Variants in KCNAB1 observed in about 807,000 individuals in gnomAD.
KCNAB1 encodes voltage-gated potassium channel subunit beta-1.
In KCNAB1, 35 loss-of-function variants were observed where a neutral mutation model predicts 64.6. The observed-to-expected ratio is 0.54, with a 90% CI of 0.41 to 0.72. The LOEUF is 0.72. Ranked by LOEUF, KCNAB1 falls within the 30% of genes least tolerant of loss-of-function variation. The pLI is 0.00. For missense variants in KCNAB1, 401 were observed against 512.9 expected (o/e 0.78, Z 2.11); for synonymous variants, 177 against 183.8 (o/e 0.96, Z 0.30).
At chr3:156,505,546 T>C (rs1716779359) in intron 8 of KCNAB1, among the ~76,000 whole-genome samples, 1 of 152,218 alleles carries the variant, frequency 6.6e-6, no homozygotes, top group Non-Finnish European at 1.5e-5. Context: ...TGAGATGTCT[T>C]CCTATTTTTT....
chr3:156,524,552 C>A (rs1421947866), intron 12 of KCNAB1, among the ~76,000 whole-genome samples: 1 of 151,964 alleles, frequency 6.6e-6, no homozygotes. Context: ...TCGAGACCAT[C>A]CTGGCTAACA....
chr3:156,438,336 G>A (rs973452776), intron 2 of KCNAB1, among the ~76,000 whole-genome samples: 6 of 151,370 alleles, frequency 4.0e-5, no homozygotes, highest in South Asian at 2.1e-4. Flanking sequence ...CAAGGGGCAG[G>A]TGAGGTATTT....
intron 1 of KCNAB1, among the ~76,000 whole-genome samples, chr3:156,296,465 C>G (rs953711235): frequency 4.0e-5 from 3 of 75,516 alleles, no homozygotes; most frequent in African/African-American, 9.7e-5. Flanking sequence ...TTCAACTCCC[C>G]CCCCCCCCAC....
chr3:156,307,922 T>C (rs1416082335), intron 1 of KCNAB1, among the ~76,000 whole-genome samples: 1 of 152,242 alleles, frequency 6.6e-6, no homozygotes, highest in Admixed American at 6.5e-5. Flanking sequence ...AAGCAGGCAC[T>C]GTGCCAGGCA....
chr3:156,282,868 G>T (rs1354725708), intron 1 of KCNAB1, among the ~76,000 whole-genome samples: 1 of 151,304 alleles, frequency 6.6e-6, no homozygotes, highest in African/African-American at 2.4e-5. Context: ...GTCTCTGCAC[G>T]TGAGATGGGT....
intron 1 of KCNAB1, among the ~76,000 whole-genome samples, chr3:156,158,171 AAAAATAAAAAATAAATAAAT>A (rs1302185387): frequency 4.7e-5 from 4 of 84,764 alleles, no homozygotes; most frequent in Admixed American, 1.5e-4. Context: ...TCTCAAAAAA[AAAAATAAAAAATAAATAAAT>A]AAATAAATAA....
In KCNAB1 at chr3:156,313,723, T is replaced by C. The variant is rs1722084601; in HGVS notation, c.276-107893T>C. ...AGTTAGGGATTCTGCTCTCCACAACTGGAAGAAAGTAAGTTGGTGTTGTTT... is the reference window on the plus strand; with the variant it reads ...AGTTAGGGATTCTGCTCTCCACAACCGGAAGAAAGTAAGTTGGTGTTGTTT... On this transcript the variant is annotated intron_variant, in intron 1 of 13. Transcript: ENST00000490337. 1.3e-5 allele frequency among the ~76,000 whole-genome samples: 2 copies of C among 152,210 alleles called. 1 individual carries two copies. The highest frequency in any genetic ancestry group is 4.8e-5 in the African/African-American group (2 of 41,444).
rs1159352986 is a variant in KCNAB1 at position 156,287,349 on chromosome 3, C to CAA, written c.276-134249_276-134248dup. Among the ~76,000 whole-genome samples the CAA allele has an allele frequency of 9.4e-3, 734 of 77,794 alleles. 10 individuals are homozygous for CAA. The highest frequency in any genetic ancestry group is 0.035 in the East Asian group (94 of 2,662). 51.0% of individuals were successfully genotyped at this position (77,794 alleles called of 152,430 possible). A position where few individuals can be genotyped will look rare whatever the true frequency, so the allele number is the denominator to read the frequency against. ...CCGTGCAATGTTGCAACCTCCGTAT[C>CAA]AAAAAAAAAAAAAAAAAAACTACCC... On this transcript the variant is annotated intron_variant, in intron 1 of 13. Transcript: ENST00000490337.
intron 2 of KCNAB1, among the ~76,000 whole-genome samples, chr3:156,442,344 CT>C (rs2108262533): frequency 6.6e-6 from 1 of 152,272 alleles, no homozygotes. Flanking sequence ...CTCTTCTAAA[CT>C]TCACATCCCC....
intron 8 of KCNAB1, among the ~76,000 whole-genome samples, chr3:156,504,533 A>G (rs1716680072): frequency 6.6e-6 from 1 of 152,122 alleles, no homozygotes; most frequent in African/African-American, 2.4e-5. Context: ...TACCAACAGC[A>G]TATGATTTTC....
chr3:156,395,259 G>T (rs1394278005), intron 1 of KCNAB1, among the ~76,000 whole-genome samples: 1 of 149,682 alleles, frequency 6.7e-6, no homozygotes, highest in African/African-American at 2.5e-5. Context: ...ATCAGACATT[G>T]TTAGGGCCGG....
intron 1 of KCNAB1, among the ~76,000 whole-genome samples, chr3:156,374,820 G>A (rs1711538155): frequency 7.4e-6 from 1 of 135,770 alleles, no homozygotes; most frequent in South Asian, 2.2e-4. Context: ...AATACCTACT[G>A]TAATAAGTTG....
intron 1 of KCNAB1, among the ~76,000 whole-genome samples, chr3:156,349,137 C>G (rs1455990733): frequency 2.6e-5 from 4 of 152,198 alleles, no homozygotes; most frequent in Non-Finnish European, 4.4e-5. Context: ...TTTTCAACCA[C>G]TTTATTATAT....
chr3:156,305,326 C>A (rs913024286), intron 1 of KCNAB1, among the ~76,000 whole-genome samples: 2 of 152,172 alleles, frequency 1.3e-5, no homozygotes, highest in African/African-American at 4.8e-5. Flanking sequence ...TTTTAATCAT[C>A]CCCAGTCCTA....
At chr3:156,343,554 G>C (rs1724279614) in intron 1 of KCNAB1, among the ~76,000 whole-genome samples, 1 of 152,144 alleles carries the variant, frequency 6.6e-6, no homozygotes, top group South Asian at 2.1e-4. Context: ...TTCAGCCTCC[G>C]CAGCTTGTGG....
In KCNAB1 at chr3:156,352,681, G is replaced by A. The variant is rs116209038; in HGVS notation, c.276-68935G>A. 6.0e-3 allele frequency among the ~76,000 whole-genome samples: 908 copies of A among 152,272 alleles called. 10 individuals carry two copies. The highest frequency in any genetic ancestry group is 0.02 in the African/African-American group (821 of 41,544). ...GACCTCAGTCAGGTCTGTCCTTGGC[G>A]TCACACTCGATGGGTCTTCTCCATG... On this transcript the variant is annotated intron_variant, in intron 1 of 13. Transcript: ENST00000490337.
intron 1 of KCNAB1, among the ~76,000 whole-genome samples, chr3:156,173,092 A>AGCC (rs1267435883): frequency 6.6e-6 from 1 of 152,210 alleles, no homozygotes; most frequent in African/African-American, 2.4e-5. Context: ...GAGAAAGAAA[A>AGCC]GCCTGGAAGA....
At chr3:156,484,371 G>A (rs899804316) in intron 8 of KCNAB1, among the ~76,000 whole-genome samples, 1 of 151,496 alleles carries the variant, frequency 6.6e-6, no homozygotes, top group Non-Finnish European at 1.5e-5. Flanking sequence ...TAAGAAAAAA[G>A]AGAGAGAGAG....
At chr3:156,312,331 A>G (rs1721963688) in intron 1 of KCNAB1, among the ~76,000 whole-genome samples, 1 of 152,232 alleles carries the variant, frequency 6.6e-6, no homozygotes. Context: ...GAGGTTTTAA[A>G]TAGCGTGAAA....
Sources: allele counts gnomAD v4.1 joint callset (sites outside exome capture counted in the v4.1 genomes callset), GRCh38; gene constraint gnomAD v4.1.1; transcripts MANE v1.5; gene names NCBI Gene and HGNC (gene_info 2026-07-23, HGNC 2026-07-21).